Variants in NLGN1 observed in about 807,000 individuals in gnomAD.
NLGN1 encodes neuroligin 1, also known as neuroligin-1.
In NLGN1, 12 loss-of-function variants were observed where a neutral mutation model predicts 65.5. The observed-to-expected ratio is 0.18, with a 90% CI of 0.12 to 0.30. NLGN1 has a LOEUF of 0.30. Among genes scored for constraint, NLGN1 ranks in the 10% least tolerant of loss-of-function variants. The pLI is 1.00. For missense variants in NLGN1, 750 were observed against 1,007.1 expected (o/e 0.74, Z 3.46); for synonymous variants, 350 against 359.5 (o/e 0.97, Z 0.30).
chr3:173,815,695 T>C (rs1718899408), intron 4 of NLGN1, among the ~76,000 whole-genome samples: 3 of 152,136 alleles, frequency 2.0e-5, no homozygotes, highest in Admixed American at 2.0e-4. Flanking sequence ...TCCTTCTCTC[T>C]CTATGATACG....
intron 2 of NLGN1, among the ~76,000 whole-genome samples, chr3:173,446,212 C>T (rs1268026372): frequency 1.1e-4 from 12 of 108,738 alleles, no homozygotes; most frequent in Non-Finnish European, 1.1e-4. Context: ...CTATCCCTCC[C>T]CCCTACCCCC....
At chr3:173,638,947 G>GA (rs1334291448) in intron 3 of NLGN1, among the ~76,000 whole-genome samples, 3 of 151,946 alleles carry the variant, frequency 2.0e-5, no homozygotes, top group South Asian at 2.1e-4. Context: ...TATGAAAACA[G>GA]AAAAAAAAGA....
chr3:173,969,925 A>G (rs1223091867), intron 4 of NLGN1, among the ~76,000 whole-genome samples: 3 of 151,762 alleles, frequency 2.0e-5, no homozygotes, highest in South Asian at 4.1e-4. Context: ...AAAAAAAAAA[A>G]GATCTAACCA....
chr3:174,271,872 A>G (rs1177358969), intron 4 of NLGN1, among the ~76,000 whole-genome samples: 3 of 151,664 alleles, frequency 2.0e-5, no homozygotes, highest in African/African-American at 4.8e-5. Context: ...ATGAATTTTG[A>G]GAGTTAGCCT....
intron 4 of NLGN1, among the ~76,000 whole-genome samples, chr3:174,168,140 G>C (rs969371): frequency 1.7e-3 from 255 of 152,052 alleles, no homozygotes; most frequent in Non-Finnish European, 2.5e-3. Flanking sequence ...GGATTTCTCT[G>C]TGTTGATTTT....
At chr3:173,794,323 A>G (rs1425967826) in intron 3 of NLGN1, among the ~76,000 whole-genome samples, 1 of 152,162 alleles carries the variant, frequency 6.6e-6, no homozygotes, top group Admixed American at 6.5e-5. Context: ...TCATGAGTGT[A>G]GTTGTCTTGC....
intron 3 of NLGN1, among the ~76,000 whole-genome samples, chr3:173,678,953 C>G (rs1460995716): frequency 2.0e-5 from 3 of 151,662 alleles, no homozygotes; most frequent in African/African-American, 7.3e-5. Context: ...TGGTTGGTTC[C>G]ATTAAGTGAG....
At chr3:173,883,171 A>C (rs926001151) in intron 4 of NLGN1, among the ~76,000 whole-genome samples, 1 of 151,762 alleles carries the variant, frequency 6.6e-6, no homozygotes, top group Non-Finnish European at 1.5e-5. Context: ...TTTTGATTAA[A>C]GTGAGACATG....
At chr3:174,223,436 T>G (rs2152807913) in intron 4 of NLGN1, among the ~76,000 whole-genome samples, 1 of 152,266 alleles carries the variant, frequency 6.6e-6, no homozygotes, top group East Asian at 1.9e-4. Context: ...TCAGTACGCC[T>G]TTTTCATTCA....
intron 4 of NLGN1, among the ~76,000 whole-genome samples, chr3:174,232,966 A>G (rs1306567219): frequency 6.6e-6 from 1 of 152,236 alleles, no homozygotes; most frequent in Admixed American, 6.5e-5. Flanking sequence ...CCATTTCAAA[A>G]TGTGACAAAG....
At chr3:173,911,673 C>T (rs1560612019) in intron 4 of NLGN1, among the ~76,000 whole-genome samples, 1 of 152,106 alleles carries the variant, frequency 6.6e-6, no homozygotes, top group Non-Finnish European at 1.5e-5. Context: ...TTTCTGTTGA[C>T]TGGCTCTAAC....
intron 1 of NLGN1, among the ~76,000 whole-genome samples, chr3:173,412,180 G>A (rs1712710418): frequency 6.6e-6 from 1 of 152,156 alleles, no homozygotes; most frequent in African/African-American, 2.4e-5. Context: ...TAGCAAGTTT[G>A]CATGTTTGAA....
chr3:173,739,423 C>T (rs1264147285), intron 3 of NLGN1, among the ~76,000 whole-genome samples: 1 of 152,068 alleles, frequency 6.6e-6, no homozygotes, highest in Non-Finnish European at 1.5e-5. Flanking sequence ...CAGGCTGTGA[C>T]AACTAACCTA....
chr3:173,819,648 G>C (rs1272352620), intron 4 of NLGN1, among the ~76,000 whole-genome samples: 2 of 152,124 alleles, frequency 1.3e-5, no homozygotes, highest in Non-Finnish European at 2.9e-5. Flanking sequence ...TGCTTCCGTG[G>C]CATAAGCAGC....
At chr3:173,494,893 C>T (rs183599410) in intron 2 of NLGN1, among the ~76,000 whole-genome samples, 57 of 151,808 alleles carry the variant, frequency 3.8e-4, no homozygotes, top group African/African-American at 1.4e-3. Flanking sequence ...TGGCCAGTAT[C>T]ATACAGTCTT....
chr3:173,401,291 G>T (rs910739438), intron 1 of NLGN1, among the ~76,000 whole-genome samples: 16 of 151,064 alleles, frequency 1.1e-4, no homozygotes, highest in Non-Finnish European at 2.2e-4. Context: ...TAAGAGGTCA[G>T]ATTGTCCCAG....
At chr3:173,784,258 T>C (rs1781616173) in intron 3 of NLGN1, among the ~76,000 whole-genome samples, 1 of 152,164 alleles carries the variant, frequency 6.6e-6, no homozygotes, top group Non-Finnish European at 1.5e-5. Flanking sequence ...ACAGAATATG[T>C]TGAAAAGTAA....
intron 4 of NLGN1, among the ~76,000 whole-genome samples, chr3:173,826,368 A>G (rs903013799): frequency 6.6e-6 from 1 of 152,012 alleles, no homozygotes; most frequent in African/African-American, 2.4e-5. Context: ...GCCTCAACCC[A>G]AAGGAACCCA....
intron 4 of NLGN1, among the ~76,000 whole-genome samples, chr3:174,111,724 T>C (rs1468127283): frequency 2.0e-5 from 3 of 151,778 alleles, no homozygotes; most frequent in Non-Finnish European, 4.4e-5. Flanking sequence ...GGGAATGAAT[T>C]ATTAGTTATT....
Sources: allele counts gnomAD v4.1 joint callset (sites outside exome capture counted in the v4.1 genomes callset), GRCh38; gene constraint gnomAD v4.1.1; transcripts MANE v1.5; gene names NCBI Gene and HGNC (gene_info 2026-07-23, HGNC 2026-07-21).